FHIP1A: variants seen among roughly 807,000 people sequenced by gnomAD.
FHIP1A encodes FHF complex subunit HOOK interacting protein 1A.
In FHIP1A, 61 loss-of-function variants were observed where a neutral mutation model predicts 88.6. The observed-to-expected ratio is 0.69, with a 90% CI of 0.56 to 0.85. The LOEUF (loss-of-function observed/expected upper bound fraction) is 0.85, where lower values mean the gene tolerates loss of function less well. Ranked by LOEUF, FHIP1A falls within the 40% of genes least tolerant of loss-of-function variation. FHIP1A has a pLI of 0.00. For missense variants in FHIP1A, 1,154 were observed against 1,273.5 expected (o/e 0.91, Z 1.43); for synonymous variants, 478 against 496.0 (o/e 0.96, Z 0.48).
intron 3 of FHIP1A, among the ~76,000 whole-genome samples, chr4:151,512,859 C>A (rs1002050615): frequency 1.6e-4 from 25 of 152,182 alleles, no homozygotes; most frequent in African/African-American, 6.0e-4. Context: ...GAGAATGGAA[C>A]CAAGTTGGAA....
intron 3 of FHIP1A, among the ~76,000 whole-genome samples, chr4:151,531,361 T>C (rs1731871294): frequency 6.6e-6 from 1 of 152,088 alleles, no homozygotes; most frequent in Non-Finnish European, 1.5e-5. Context: ...AGGGGCCTTC[T>C]GTGCTTTCTC....
chr4:151,462,659 A>G (rs1729180336), intron 2 of FHIP1A, among the ~76,000 whole-genome samples: 1 of 152,210 alleles, frequency 6.6e-6, no homozygotes, highest in Admixed American at 6.5e-5. Context: ...AGAAGAAAGA[A>G]GGGCAGGAAA....
chr4:151,609,829 C>T (rs4696275), intron 7 of FHIP1A, among the ~76,000 whole-genome samples: 42,887 of 152,050 alleles, frequency 0.28, 6,329 homozygotes, highest in Non-Finnish European at 0.33. Flanking sequence ...CTACAGCCAA[C>T]TTCATAGTAT....
At chr4:151,474,656 T>G (rs1580608855) in intron 2 of FHIP1A, among the ~76,000 whole-genome samples, 1 of 152,214 alleles carries the variant, frequency 6.6e-6, no homozygotes, top group African/African-American at 2.4e-5. Context: ...GCTAGTCCGC[T>G]GGGAAATGGT....
At chr4:151,620,788 G>A (rs1735709960) in intron 7 of FHIP1A, among the ~76,000 whole-genome samples, 1 of 148,904 alleles carries the variant, frequency 6.7e-6, no homozygotes, top group Non-Finnish European at 1.5e-5. Flanking sequence ...ACAAGTGCAT[G>A]AGGGAGATAA....
At chr4:151,450,552 G>C (rs1377305249) in intron 1 of FHIP1A, among the ~76,000 whole-genome samples, 2 of 152,078 alleles carry the variant, frequency 1.3e-5, no homozygotes, top group African/African-American at 4.8e-5. Context: ...ATCTTGGTAT[G>C]CTTACACAAC....
Position 151,480,523 on chromosome 4 carries a change from A to G in FHIP1A, c.-247-2001A>G, listed in dbSNP as rs1286404351. ...GTAAAAGAGCCTGTATCTCTCCAGC[A>G]CATGATGATAAAACTGTTCCTGTGG... On this transcript the variant is annotated intron_variant, in intron 2 of 13. Coordinates refer to ENST00000435205, the MANE Select transcript of FHIP1A (RefSeq NM_001109977.3). Among the ~76,000 whole-genome samples, 5 of 152,202 alleles carry G rather than the reference A, an allele frequency of 3.3e-5. No individual in the cohort carries two copies. In the East Asian group the frequency reaches 7.7e-4, roughly 23 times the overall value.
At chr4:151,438,517 AAAAAC>A (rs1379133197) in intron 1 of FHIP1A, among the ~76,000 whole-genome samples, 1 of 152,178 alleles carries the variant, frequency 6.6e-6, no homozygotes, top group Non-Finnish European at 1.5e-5. Context: ...TAAAAAACAA[AAAAAC>A]AAAACAAAAC....
At position 151,656,838 on chromosome 4, in the gene FHIP1A, C is replaced by T. The variant is rs763710082; in HGVS notation, c.2809C>T (p.Gln937Ter). 3.2e-6 allele frequency: 5 copies of T among 1,551,636 alleles called. No individual in the cohort carries two copies. The highest frequency in any genetic ancestry group is 2.4e-5 in the South Asian group (2 of 84,054). ...CTTCCCAGGGCTCCTCATTCAAGCTCAGCAGTACCTGCTCTTCCGTGTGGA... is the reference window on the plus strand; with the variant it reads ...CTTCCCAGGGCTCCTCATTCAAGCTTAGCAGTACCTGCTCTTCCGTGTGGA... ...RDFPGLLIQA[Q>*]QYLLFRVDMS... The change falls in exon 13 of 14, where the codon CAG (glutamine) becomes TAG (stop). Residue 937 changes from glutamine to a stop codon, truncating the protein, a stop_gained. Transcript: ENST00000435205. LOFTEE classifies it high-confidence loss of function. The surrounding 1 kb of genome is among the most constrained non-coding windows in gnomAD (Gnocchi z 4.2).
chr4:151,562,111 C>A (rs1298609173), intron 3 of FHIP1A, among the ~76,000 whole-genome samples: 1 of 152,168 alleles, frequency 6.6e-6, no homozygotes, highest in Non-Finnish European at 1.5e-5. Context: ...GTCCCTGCCT[C>A]CTAGCTCAAA....
At chr4:151,515,788 G>T (rs1353442479) in intron 3 of FHIP1A, among the ~76,000 whole-genome samples, 11 of 151,738 alleles carry the variant, frequency 7.2e-5, no homozygotes, top group Admixed American at 3.3e-4. Flanking sequence ...CACTGCTCAA[G>T]GAAATAAAAG....
At chr4:151,554,340 A>G (rs1715697708) in intron 3 of FHIP1A, among the ~76,000 whole-genome samples, 1 of 152,130 alleles carries the variant, frequency 6.6e-6, no homozygotes, top group African/African-American at 2.4e-5. Flanking sequence ...TTTTATTCAC[A>G]TTCCCACACT....
At chr4:151,527,378 G>A (rs1712424722) in intron 3 of FHIP1A, among the ~76,000 whole-genome samples, 1 of 152,224 alleles carries the variant, frequency 6.6e-6, no homozygotes, top group African/African-American at 2.4e-5. Context: ...ATGAAAACCA[G>A]TCAGGCGTGG....
At chr4:151,624,777 G>T (rs770311135) in intron 7 of FHIP1A, among the ~76,000 whole-genome samples, 2 of 152,132 alleles carry the variant, frequency 1.3e-5, no homozygotes, top group Admixed American at 6.5e-5. Context: ...GCAGTGTAGC[G>T]TGTGGCCTAG....
chr4:151,619,026 G>A (rs1291078096), intron 7 of FHIP1A, among the ~76,000 whole-genome samples: 1 of 152,152 alleles, frequency 6.6e-6, no homozygotes, highest in Non-Finnish European at 1.5e-5. Flanking sequence ...GCTTTGATGA[G>A]TGCTGAGAGA....
chr4:151,590,558 C>T (rs185337522), intron 7 of FHIP1A, among the ~76,000 whole-genome samples: 6 of 152,294 alleles, frequency 3.9e-5, no homozygotes, highest in Admixed American at 6.5e-5. Context: ...CAGTGGTATG[C>T]GTGCTTTCAG....
chr4:151,667,054 G>A lies in FHIP1A; in HGVS notation c.*4300G>A, dbSNP rs973386856. Among the ~76,000 whole-genome samples the A allele has an allele frequency of 2.6e-5, 4 of 152,134 alleles. No individual in the cohort carries two copies. Among genetic ancestry groups the A allele is most frequent in the African/African-American group, 9.7e-5 (4 of 41,424 alleles). On this transcript the variant is annotated 3_prime_UTR_variant, in exon 14 of 14. Transcript: ENST00000435205. ...TGTCTGTCATGCTTGCCATTTTTAT[G>A]AAACACTTTATTGCAGGTCAGCTAT... is the stretch of plus-strand genomic sequence containing the variant.
intron 1 of FHIP1A, among the ~76,000 whole-genome samples, chr4:151,422,799 A>T (rs1391339853): frequency 6.6e-6 from 1 of 152,182 alleles, no homozygotes; most frequent in Admixed American, 6.6e-5. Flanking sequence ...GGAATTGGAG[A>T]TACAAGCGTG....
At chr4:151,485,210 C>A (rs1166165794) in intron 3 of FHIP1A, among the ~76,000 whole-genome samples, 2 of 149,342 alleles carry the variant, frequency 1.3e-5, no homozygotes, top group Admixed American at 1.3e-4. Flanking sequence ...TTAATTAATT[C>A]ATCCATTTTG....
Sources: gnomAD v4.1 joint callset for allele counts (sites outside exome capture counted in the v4.1 genomes callset) on GRCh38, gnomAD v4.1.1 for gene constraint, Gnocchi (gnomAD v3.1) non-coding constraint, MANE v1.5 for transcripts, NCBI Gene and HGNC (gene_info 2026-07-23, HGNC 2026-07-21) for gene names.